The following HPRT1 variants were observed in gnomAD, a reference collection of about 807,000 sequenced individuals.
HPRT1 encodes the protein hypoxanthine-guanine phosphoribosyltransferase.
Under a neutral mutation model 19.0 loss-of-function variants are expected in HPRT1, and 4 were observed. The observed-to-expected ratio is 0.21, with a 90% CI of 0.10 to 0.48. The LOEUF (loss-of-function observed/expected upper bound fraction) is 0.48. HPRT1 is among the 20% of genes least tolerant of loss of function. The pLI is 0.98. For synonymous variants in HPRT1, 53 were observed against 54.9 expected (o/e 0.97, Z 0.15); for missense variants, 65 against 164.0 (o/e 0.40, Z 3.30).
At chrX:134,491,006 G>GTA (rs370671664) in intron 5 of HPRT1, among the ~76,000 whole-genome samples, 10,786 of 96,347 alleles carry the variant, frequency 0.11, 518 homozygotes, top group East Asian at 0.22. Context: ...CTCTCTCTAT[G>GTA]TATATATATA....
chrX:134,476,621 T>C (rs1333494524), intron 3 of HPRT1, among the ~76,000 whole-genome samples: 1 of 112,084 alleles, frequency 8.9e-6, no homozygotes, highest in East Asian at 2.8e-4. Context: ...TGGTCTTCTA[T>C]AGCCTCCTTC....
chrX:134,471,487 CT>C (rs1259474623), intron 1 of HPRT1, among the ~76,000 whole-genome samples: 1 of 111,399 alleles, frequency 9.0e-6, no homozygotes, highest in Non-Finnish European at 1.9e-5. Context: ...TATGATGACA[CT>C]TCATGAGTTG....
intron 1 of HPRT1, among the ~76,000 whole-genome samples, chrX:134,468,123 T>A (rs1321579389): frequency 1.8e-5 from 2 of 110,615 alleles, no homozygotes; most frequent in African/African-American, 3.3e-5. Flanking sequence ...TCTTTTTTTT[T>A]AAATAGCAAT....
chrX:134,467,509 C>T (rs963389050), intron 1 of HPRT1, among the ~76,000 whole-genome samples: 1 of 111,939 alleles, frequency 8.9e-6, no homozygotes, highest in African/African-American at 3.2e-5. Flanking sequence ...TCAAAGCAGC[C>T]ACTGGATTGT....
intron 1 of HPRT1, among the ~76,000 whole-genome samples, chrX:134,470,255 T>C (rs990934600): frequency 4.5e-5 from 5 of 111,913 alleles, no homozygotes; most frequent in African/African-American, 9.7e-5. Context: ...CTCCTGGCCA[T>C]GTGCACAGGG....
chrX:134,483,801 G>A (rs1298903927), intron 3 of HPRT1, among the ~76,000 whole-genome samples: 1 of 111,652 alleles, frequency 9.0e-6, no homozygotes, highest in Admixed American at 9.5e-5. Flanking sequence ...CCAATGTAGT[G>A]AACTATACCA....
intron 1 of HPRT1, among the ~76,000 whole-genome samples, chrX:134,462,401 C>T (rs78463145): frequency 9.0e-6 from 1 of 111,379 alleles, no homozygotes; most frequent in Non-Finnish European, 1.9e-5. Flanking sequence ...AGGCTACTCT[C>T]GAACTCCTGA....
Position 134,475,373 on chromosome X carries a change from A to G in HPRT1, c.318+9A>G. On this transcript the variant is annotated intron_variant, in intron 3 of 8. Transcript: ENST00000298556. ...GACTGAAGAGCTATTGTGTGAGTAT[A>G]TTTAATATATGATTCTTTTTAGTGG... 2 of 1,070,953 alleles carry G rather than the reference A, an allele frequency of 1.9e-6. No homozygotes were observed. Among genetic ancestry groups the G allele is most frequent in the South Asian group, 1.9e-5 (1 of 53,171 alleles). 88.3% of individuals were successfully genotyped at this position (1,070,953 alleles called of 1,213,427 possible).
chrX:134,460,448 G>A, intron 1 of HPRT1, 110 bp downstream of exon 1: 2 of 612,715 alleles, frequency 3.3e-6, no homozygotes, highest in Non-Finnish European at 4.3e-6. Flanking sequence ...CGGGCCCAGG[G>A]AACCCCGCAG....
At position 134,493,790 on chromosome X, in the gene HPRT1, C is replaced by T. The variant is rs1323251003; in HGVS notation, c.485+200C>T. On this transcript the variant is annotated intron_variant, in intron 6 of 8. Transcript: ENST00000298556. Reference sequence around the variant, plus strand: ...CTCATAATTACAGTCACTTCCTTGCCTAATATTAACATTTGGTTTTTCAGC... The same window carrying T: ...CTCATAATTACAGTCACTTCCTTGCTTAATATTAACATTTGGTTTTTCAGC... Among the ~76,000 whole-genome samples the T allele has an allele frequency of 8.1e-5, 9 of 111,796 alleles. No individual in the cohort carries two copies. The East Asian group carries it at 2.5e-3, about 31-fold the overall frequency.
intron 3 of HPRT1, among the ~76,000 whole-genome samples, chrX:134,475,854 A>C (rs2077623903): frequency 1.8e-5 from 2 of 111,950 alleles, no homozygotes; most frequent in Non-Finnish European, 3.8e-5. Flanking sequence ...GTCGCACCAG[A>C]AACCACTTTT....
At chrX:134,468,337 G>A (rs1341820329) in intron 1 of HPRT1, among the ~76,000 whole-genome samples, 3 of 110,500 alleles carry the variant, frequency 2.7e-5, no homozygotes, top group Non-Finnish European at 5.7e-5. Flanking sequence ...TTTGATGGCC[G>A]GGCGGGGTGG....
intron 3 of HPRT1, among the ~76,000 whole-genome samples, chrX:134,479,401 C>T (rs1243471084): frequency 9.1e-6 from 1 of 109,447 alleles, no homozygotes; most frequent in Non-Finnish European, 1.9e-5. Flanking sequence ...CCCCGAGTAG[C>T]TGGGATTACA....
intron 6 of HPRT1, among the ~76,000 whole-genome samples, chrX:134,495,125 T>G (rs2077677095): frequency 9.2e-6 from 1 of 108,120 alleles, no homozygotes; most frequent in Admixed American, 1.0e-4. Flanking sequence ...ATCGCCTCTG[T>G]TGAGTATAAG....
chrX:134,471,894 C>T (rs17882954), intron 1 of HPRT1, among the ~76,000 whole-genome samples: 1,608 of 111,964 alleles, frequency 0.014, 32 homozygotes, highest in African/African-American at 0.05. Context: ...CCACCTGGGC[C>T]TCCCAAAATA....
intron 1 of HPRT1, among the ~76,000 whole-genome samples, chrX:134,461,391 A>G (rs2077583665): frequency 8.9e-6 from 1 of 112,149 alleles, no homozygotes; most frequent in Non-Finnish European, 1.9e-5. Context: ...CTTGAACCCT[A>G]AGAAAGAAGC....
chrX:134,477,067 A>ATTTAT (rs2077627700), intron 3 of HPRT1, among the ~76,000 whole-genome samples: 8 of 84,252 alleles, frequency 9.5e-5, no homozygotes, highest in African/African-American at 3.8e-4. Flanking sequence ...TTATTTATTT[A>ATTTAT]TTTTTTTTTT....
At chrX:134,475,030 G>GCTA (rs1293055754) in intron 2 of HPRT1, 151 bp from the exon 3 acceptor site, 1 of 453,450 alleles carries the variant, frequency 2.2e-6, no homozygotes, top group Non-Finnish European at 3.8e-6. Context: ...ACAGGTACAT[G>GCTA]CTACCATGCC....
chrX:134,460,910 TATTTGACACACGA>T (rs1785445223), intron 1 of HPRT1, among the ~76,000 whole-genome samples: 1 of 111,436 alleles, frequency 9.0e-6, no homozygotes, highest in Non-Finnish European at 1.9e-5. Flanking sequence ...TAACCATGCG[TATTTGACACACGA>T]AGGAACTAGG....
Sources: allele counts gnomAD v4.1 joint callset (sites outside exome capture counted in the v4.1 genomes callset), GRCh38; gene constraint gnomAD v4.1.1; transcripts MANE v1.5; gene names NCBI Gene and HGNC (gene_info 2026-07-23, HGNC 2026-07-21).